Variants in CACNA1D observed in about 807,000 individuals in gnomAD.
CACNA1D encodes the protein calcium voltage-gated channel subunit alpha1 D.
Under a neutral mutation model 257.1 loss-of-function variants are expected in CACNA1D, and 55 were observed. The ratio of observed to expected loss-of-function variants is 0.21; its 90% CI spans 0.17 to 0.27. The LOEUF (loss-of-function observed/expected upper bound fraction) is 0.27, where lower values mean the gene tolerates loss of function less well. CACNA1D is among the 10% of genes least tolerant of loss of function. The pLI is 1.00. For missense variants in CACNA1D, 1,876 were observed against 2,784.0 expected (o/e 0.67, Z 7.34); for synonymous variants, 980 against 1,014.9 (o/e 0.97, Z 0.65).
At chr3:53,572,374 G>GTA (rs2092961990) in intron 3 of CACNA1D, among the ~76,000 whole-genome samples, 3 of 141,544 alleles carry the variant, frequency 2.1e-5, no homozygotes, top group African/African-American at 8.3e-5. Flanking sequence ...TTGTTTGTTT[G>GTA]TTTATTTATT....
intron 3 of CACNA1D, among the ~76,000 whole-genome samples, chr3:53,623,952 T>G (rs1274459753): frequency 6.6e-6 from 1 of 152,210 alleles, no homozygotes; most frequent in Non-Finnish European, 1.5e-5. Flanking sequence ...TCATAAATAA[T>G]TTAAAATATA....
chr3:53,753,560 C>T lies in CACNA1D; in HGVS notation c.3676-12C>T. The T allele has an allele frequency of 2.6e-6, 4 of 1,549,732 alleles. No individual in the cohort carries two copies. The highest frequency in any genetic ancestry group is 3.6e-6 in the Non-Finnish European group (4 of 1,121,102). ...GAGGCTCTGAGAACGGTCCCTCTGTCTTCATCCATAGCACTACGAGCAGTC... is the reference window on the plus strand; with the variant it reads ...GAGGCTCTGAGAACGGTCCCTCTGTTTTCATCCATAGCACTACGAGCAGTC... On this transcript the variant is annotated splice_polypyrimidine_tract_variant and intron_variant, in intron 28 of 47. Transcript: ENST00000350061.
At chr3:53,512,013 T>G (rs1406609149) in intron 3 of CACNA1D, among the ~76,000 whole-genome samples, 2 of 152,224 alleles carry the variant, frequency 1.3e-5, no homozygotes, top group African/African-American at 4.8e-5. Context: ...AATGAAACAC[T>G]GTTTATATTT....
chr3:53,636,664 C>A (rs530250888), intron 3 of CACNA1D, among the ~76,000 whole-genome samples: 1 of 152,326 alleles, frequency 6.6e-6, no homozygotes, highest in African/African-American at 2.4e-5. Flanking sequence ...ATTTTCCATA[C>A]AATTTTATTT....
intron 5 of CACNA1D, 41 bp downstream of exon 5, chr3:53,660,316 T>G (rs754213784): frequency 3.1e-6 from 5 of 1,608,174 alleles, no homozygotes; most frequent in Admixed American, 1.7e-5. Context: ...GTGTGCTGGT[T>G]TTTTCTTCCA....
At chr3:53,805,736 C>T (rs1470704256) in intron 45 of CACNA1D, among the ~76,000 whole-genome samples, 2 of 149,010 alleles carry the variant, frequency 1.3e-5, no homozygotes, top group Non-Finnish European at 1.5e-5. Flanking sequence ...ATCTTCCCTC[C>T]TCCTCCCTCA....
At chr3:53,550,449 CTTGACTCT>C (rs2092508390) in intron 3 of CACNA1D, among the ~76,000 whole-genome samples, 1 of 152,206 alleles carries the variant, frequency 6.6e-6, no homozygotes, top group Non-Finnish European at 1.5e-5. Flanking sequence ...CCCTGCATTC[CTTGACTCT>C]TCATGAACTG....
rs1390975833 is a variant in CACNA1D, at chr3:53,800,775, T to G, written c.5041-283T>G. 1.9e-6 allele frequency: 1 copy of G among 540,064 alleles called. No individual in the cohort carries two copies. The highest frequency in any genetic ancestry group is 3.3e-6 in the Non-Finnish European group (1 of 299,986). 33.5% of individuals were successfully genotyped at this position (540,064 alleles called of 1,614,324 possible). A position where few individuals can be genotyped will look rare whatever the true frequency, so the allele number is the denominator to read the frequency against. ...CCTTGGGGCCACCAGCCAGCCCAGC[T>G]GGGTATAAGTCACCCCAACTTGGAG... On this transcript the variant is annotated intron_variant, in intron 41 of 47. Transcript: ENST00000350061. This position sits in a 1 kb window ranked among gnomAD's most constrained non-coding sequence, Gnocchi z 4.3.
At chr3:53,755,704 T>TC (rs1427386317) in intron 29 of CACNA1D, among the ~76,000 whole-genome samples, 3 of 151,856 alleles carry the variant, frequency 2.0e-5, no homozygotes, top group Non-Finnish European at 2.9e-5. Context: ...GTCACTGCGT[T>TC]CCCCCCGGCC....
rs916381642 is a variant in CACNA1D at position 53,751,719 on chromosome 3, C to A, written c.3517-30C>A. ...CCTCCTTCCCTGCAAGTGCTCAGAA[C>A]CCCGTTTCTGCCCTTTTCTGCTGTT... On this transcript the variant is annotated intron_variant, in intron 27 of 47. Coordinates refer to ENST00000350061, the MANE Select transcript of CACNA1D (RefSeq NM_001128840.3). The surrounding 1 kb of genome is among the most constrained non-coding windows in gnomAD (Gnocchi z 4.3). 6.2e-7 allele frequency: 1 copy of A among 1,613,660 alleles called. No individual in the cohort carries two copies. Among genetic ancestry groups the A allele is most frequent in the Non-Finnish European group, 8.5e-7 (1 of 1,179,686 alleles).
At chr3:53,501,944 A>T (rs1156851129) in intron 3 of CACNA1D, among the ~76,000 whole-genome samples, 2 of 152,162 alleles carry the variant, frequency 1.3e-5, no homozygotes, top group South Asian at 2.1e-4. Flanking sequence ...TTATAAATAG[A>T]TATGGAATTT....
intron 8 of CACNA1D, among the ~76,000 whole-genome samples, chr3:53,698,821 TC>T (rs2094595429): frequency 6.6e-6 from 1 of 150,912 alleles, no homozygotes; most frequent in Non-Finnish European, 1.5e-5. Flanking sequence ...TTTTTTTTTT[TC>T]ATCCAGGCAC....
Position 53,801,143 on chromosome 3 carries a change from G to A in CACNA1D, c.5126G>A (p.Arg1709His), listed in dbSNP as rs568343967. 8.1e-6 allele frequency: 13 copies of A among 1,613,758 alleles called. No individual in the cohort carries two copies. The highest frequency in any genetic ancestry group is 2.7e-5 in the African/African-American group (2 of 74,946). Reference sequence around the variant, plus strand: ...CTTCAGCAGACCAATACCACCCACCGTCCCCTGCATGTCCAAAGGCCTTCA... The same window carrying A: ...CTTCAGCAGACCAATACCACCCACCATCCCCTGCATGTCCAAAGGCCTTCA... ...DSLQQTNTTH[R>H]PLHVQRPSIP... Residue 1709 changes from arginine (R) to histidine (H), a missense_variant, in exon 42 of 48, where the codon CGT becomes CAT. Around this residue, in one of 10 missense-constraint regions of CACNA1D, gnomAD observed 160 missense variants for 236.6 expected, o/e 0.68. Coordinates refer to ENST00000350061, the MANE Select transcript of CACNA1D (RefSeq NM_001128840.3).
chr3:53,577,899 T>C (rs745601933), intron 3 of CACNA1D, among the ~76,000 whole-genome samples: 2 of 152,158 alleles, frequency 1.3e-5, no homozygotes, highest in African/African-American at 2.4e-5. Flanking sequence ...CTTTAATACT[T>C]TTATAAACTT....
chr3:53,807,290 G>A (rs964216808), intron 45 of CACNA1D, among the ~76,000 whole-genome samples: 13 of 152,252 alleles, frequency 8.5e-5, no homozygotes, highest in Non-Finnish European at 1.6e-4. Flanking sequence ...TGGGTGGTGC[G>A]TGGAGGGAAG....
intron 3 of CACNA1D, among the ~76,000 whole-genome samples, chr3:53,639,719 G>A (rs1342789296): frequency 4.6e-5 from 7 of 151,856 alleles, no homozygotes; most frequent in Admixed American, 2.0e-4. Context: ...GTCAATCAAC[G>A]TAGCCATATA....
intron 3 of CACNA1D, among the ~76,000 whole-genome samples, chr3:53,527,793 T>A (rs771693296): frequency 6.6e-6 from 1 of 152,216 alleles, no homozygotes; most frequent in Non-Finnish European, 1.5e-5. Flanking sequence ...AATAGACTAT[T>A]GTTAGAGTAT....
intron 9 of CACNA1D, among the ~76,000 whole-genome samples, chr3:53,703,521 T>G (rs957096062): frequency 6.6e-6 from 1 of 152,252 alleles, no homozygotes; most frequent in Non-Finnish European, 1.5e-5. Flanking sequence ...AGATGCGCTC[T>G]TATTCTCTCT....
In CACNA1D at chr3:53,538,375, T is replaced by C. The variant is rs560412181; in HGVS notation, c.483+36655T>C. Among the ~76,000 whole-genome samples, 7 of 152,240 alleles carry C rather than the reference T, an allele frequency of 4.6e-5. No individual in the cohort carries two copies. The South Asian group carries it at 1.5e-3, about 32-fold the overall frequency. On this transcript the variant is annotated intron_variant, in intron 3 of 47. Transcript: ENST00000350061. ...TTTCACTGTGTTGCCCAGGCTGGTC[T>C]CAAACTCCTCACCTCAAGTGATCCG... is the stretch of plus-strand genomic sequence containing the variant.
Sources: allele counts gnomAD v4.1 joint callset (sites outside exome capture counted in the v4.1 genomes callset), GRCh38; gene constraint gnomAD v4.1.1; regional missense constraint gnomAD v4.1.1; non-coding constraint Gnocchi (gnomAD v3.1); transcripts MANE v1.5; gene names NCBI Gene and HGNC (gene_info 2026-07-23, HGNC 2026-07-21).